The following CNBD1 variants were observed in gnomAD, a reference collection of about 807,000 sequenced individuals.
The protein encoded by CNBD1 is cyclic nucleotide binding domain containing 1, also known as cyclic nucleotide-binding domain-containing protein 1.
In CNBD1, 71 loss-of-function variants were observed where a neutral mutation model predicts 54.4. That is an observed-to-expected ratio of 1.30 (90% CI 1.08 to 1.59). CNBD1 has a LOEUF of 1.59. Among genes scored for constraint, CNBD1 ranks in the 40% most tolerant of loss-of-function variants. The pLI is 0.00. For synonymous variants in CNBD1, 182 were observed against 170.7 expected (o/e 1.07, Z -0.51); for missense variants, 659 against 518.0 (o/e 1.27, Z -2.64).
At chr8:87,173,061 C>A (rs1291170046) in intron 4 of CNBD1, among the ~76,000 whole-genome samples, 2 of 151,862 alleles carry the variant, frequency 1.3e-5, no homozygotes, top group Non-Finnish European at 2.9e-5. Flanking sequence ...TTGAGGTTAC[C>A]ATCAGGATTG....
At chr8:87,318,541 G>C (rs75766033) in intron 8 of CNBD1, among the ~76,000 whole-genome samples, 1,815 of 152,124 alleles carry the variant, frequency 0.012, 38 homozygotes, top group African/African-American at 0.039. Flanking sequence ...CTCTAATAAT[G>C]CTGGATGATT....
chr8:87,072,705 G>C (rs945031558), intron 4 of CNBD1, among the ~76,000 whole-genome samples: 33 of 152,014 alleles, frequency 2.2e-4, no homozygotes, highest in Middle Eastern at 3.4e-3. Context: ...TCTATTTGTA[G>C]GTGACCTGGC....
intron 2 of CNBD1, among the ~76,000 whole-genome samples, chr8:87,426,802 T>C (rs145890022): frequency 6.6e-6 from 1 of 152,288 alleles, no homozygotes; most frequent in East Asian, 1.9e-4. Flanking sequence ...TACCAAAAAA[T>C]TTCATTTGTG....
At chr8:86,928,236 A>G (rs1028457516) in intron 3 of CNBD1, among the ~76,000 whole-genome samples, 1 of 152,184 alleles carries the variant, frequency 6.6e-6, no homozygotes, top group Non-Finnish European at 1.5e-5. Flanking sequence ...GTAGGAAGTC[A>G]TTTGTGAGAA....
intron 4 of CNBD1, among the ~76,000 whole-genome samples, chr8:87,150,887 G>A (rs979356774): frequency 6.6e-6 from 1 of 152,154 alleles, no homozygotes; most frequent in African/African-American, 2.4e-5. Flanking sequence ...ATAACAAAGA[G>A]GCTGGGGAAA....
chr8:87,346,055 G>T lies in CNBD1; in HGVS notation c.1043-5630G>T, dbSNP rs188666964. Among the ~76,000 whole-genome samples, 15 of 142,836 alleles carry T rather than the reference G, an allele frequency of 1.1e-4. No individual in the cohort carries two copies. The South Asian group carries it at 1.1e-3, about 10-fold the overall frequency. The allele number at this position is 142,836 out of a possible 152,430, so 93.7% of individuals were successfully genotyped here. A position where few individuals can be genotyped will look rare whatever the true frequency, so the allele number is the denominator to read the frequency against. ...TTTTCTTTTTTTTTCTTTTTTTTGTGGGGGGGACAGAGTTTCACTCTTGTT... is the reference window on the plus strand; with the variant it reads ...TTTTCTTTTTTTTTCTTTTTTTTGTTGGGGGGACAGAGTTTCACTCTTGTT... On this transcript the variant is annotated intron_variant, in intron 8 of 10. Transcript: ENST00000518476.
At chr8:87,229,118 T>G (rs1199482212) in intron 5 of CNBD1, among the ~76,000 whole-genome samples, 3 of 152,126 alleles carry the variant, frequency 2.0e-5, no homozygotes, top group African/African-American at 7.2e-5. Flanking sequence ...TCGCACATGG[T>G]GCGCGCACCC....
chr8:87,274,656 T>C (rs113294782), intron 6 of CNBD1, among the ~76,000 whole-genome samples: 1 of 119,026 alleles, frequency 8.4e-6, no homozygotes, highest in Non-Finnish European at 1.8e-5. Flanking sequence ...TTCATTGTAG[T>C]TTCTGGATAT....
intron 6 of CNBD1, among the ~76,000 whole-genome samples, chr8:87,283,395 T>G (rs971401144): frequency 1.3e-5 from 2 of 152,094 alleles, no homozygotes; most frequent in African/African-American, 4.8e-5. Context: ...GCTTGTAATT[T>G]TTTTTATTAA....
chr8:87,267,163 C>A (rs1808275145), intron 6 of CNBD1, among the ~76,000 whole-genome samples: 1 of 151,884 alleles, frequency 6.6e-6, no homozygotes, highest in East Asian at 1.9e-4. Context: ...TCAAAAAGGA[C>A]AATATAATGA....
intron 5 of CNBD1, among the ~76,000 whole-genome samples, chr8:87,219,095 A>C (rs1403342311): frequency 2.0e-5 from 3 of 152,064 alleles, no homozygotes; most frequent in African/African-American, 7.2e-5. Flanking sequence ...AAAAAATAAC[A>C]ATCTGTATAT....
intron 3 of CNBD1, among the ~76,000 whole-genome samples, chr8:86,937,823 T>G (rs531617342): frequency 2.0e-5 from 3 of 152,320 alleles, no homozygotes. Context: ...CCCATTGTCT[T>G]GGAGAGTAAC....
intron 4 of CNBD1, among the ~76,000 whole-genome samples, chr8:86,955,062 C>T (rs980247599): frequency 2.0e-5 from 3 of 150,430 alleles, no homozygotes; most frequent in African/African-American, 2.4e-5. Flanking sequence ...CATTTCCCAC[C>T]GATGAGTGAG....
chr8:87,392,078 A>G (rs1016771890), intron 2 of CNBD1, among the ~76,000 whole-genome samples: 1 of 152,110 alleles, frequency 6.6e-6, no homozygotes, highest in Admixed American at 6.6e-5. Flanking sequence ...AGTTATTAGG[A>G]AGATGAAAAT....
chr8:87,196,157 C>T (rs991065293), intron 4 of CNBD1, among the ~76,000 whole-genome samples: 1 of 152,152 alleles, frequency 6.6e-6, no homozygotes, highest in Non-Finnish European at 1.5e-5. Flanking sequence ...GACTAAGCAT[C>T]TTTACTAAGA....
At chr8:87,243,722 C>T (rs1807747834) in intron 6 of CNBD1, among the ~76,000 whole-genome samples, 1 of 151,976 alleles carries the variant, frequency 6.6e-6, no homozygotes, top group Admixed American at 6.6e-5. Flanking sequence ...TTAAGAAACA[C>T]ATCTAAATTA....
intron 2 of CNBD1, among the ~76,000 whole-genome samples, chr8:87,389,448 A>G (rs1236877048): frequency 6.6e-6 from 1 of 152,198 alleles, no homozygotes; most frequent in Non-Finnish European, 1.5e-5. Flanking sequence ...GCATTCTTAT[A>G]CACCAATAAC....
At chr8:87,393,701 G>A (rs536551855) in intron 2 of CNBD1, among the ~76,000 whole-genome samples, 61 of 152,002 alleles carry the variant, frequency 4.0e-4, no homozygotes, top group African/African-American at 1.4e-3. Context: ...AAGATGAGTG[G>A]TTAAAATCTT....
chr8:87,396,125 A>G (rs775107584), intron 2 of CNBD1, among the ~76,000 whole-genome samples: 10 of 151,918 alleles, frequency 6.6e-5, no homozygotes, highest in Non-Finnish European at 1.5e-5. Flanking sequence ...CTAATGAATG[A>G]CTATGTATAG....
Sources: allele counts gnomAD v4.1 joint callset (sites outside exome capture counted in the v4.1 genomes callset), GRCh38; gene constraint gnomAD v4.1.1; transcripts MANE v1.5; gene names NCBI Gene and HGNC (gene_info 2026-07-23, HGNC 2026-07-21).